MYO7A: variants seen among roughly 807,000 people sequenced by gnomAD.
MYO7A encodes the protein myosin VIIA, also known as unconventional myosin-VIIa.
A neutral mutation model predicts 263.8 loss-of-function variants in MYO7A; 210 were observed. That is an observed-to-expected ratio of 0.80 (90% confidence interval 0.71 to 0.89). MYO7A has a LOEUF of 0.89. Among genes scored for constraint, MYO7A ranks in the 40% least tolerant of loss-of-function variants. The probability of loss-of-function intolerance (pLI) is 0.00; values close to 1 mark genes in which losing one functional copy is unlikely to be tolerated. For missense variants in MYO7A, 2,820 were observed against 2,968.3 expected, an observed-to-expected ratio of 0.95 and a Z score of 1.16; for synonymous variants, 1,239 against 1,197.3, an observed-to-expected ratio of 1.03 and a Z score of -0.72.
chr11:77,174,546 C>T (rs1364167836), intron 16 of MYO7A, among the ~76,000 whole-genome samples: 1 of 152,230 alleles, frequency 6.6e-6, no homozygotes, highest in Non-Finnish European at 1.5e-5. Context: ...TCTCTGTGCT[C>T]CCAAAGCACA....
chr11:77,206,274 G>T, intron 41 of MYO7A, 72 bp downstream of exon 41: 3 of 1,215,764 alleles, frequency 2.5e-6, no homozygotes, highest in Non-Finnish European at 3.5e-6. Flanking sequence ...CACCAAAGGT[G>T]GCCTTAAGCC....
At chr11:77,132,821 G>T (rs1950804784) in intron 2 of MYO7A, among the ~76,000 whole-genome samples, 1 of 152,210 alleles carries the variant, frequency 6.6e-6, no homozygotes, top group Non-Finnish European at 1.5e-5. Flanking sequence ...TGCATATGAT[G>T]AAACAGGCTC....
At chr11:77,134,319 A>G (rs1165909434) in intron 2 of MYO7A, among the ~76,000 whole-genome samples, 3 of 152,056 alleles carry the variant, frequency 2.0e-5, no homozygotes, top group Non-Finnish European at 4.4e-5. Context: ...TTATAGTTCT[A>G]TCTCTCCCCC....
At chr11:77,180,976 A>T (rs1039833187) in intron 22 of MYO7A, among the ~76,000 whole-genome samples, 3 of 152,268 alleles carry the variant, frequency 2.0e-5, no homozygotes, top group Admixed American at 2.0e-4. Flanking sequence ...GGAAATATTG[A>T]GTTAAATATA....
At position 77,213,979 on chromosome 11, in the gene MYO7A, G is replaced by A. The variant is rs1434392384; in HGVS notation, c.6558G>A (p.Leu2186=). ...GCAAACTGCTCTGCGAGACGTCACT[G>A]GTGAGGGCGCATCCTGCTGGGCCTA... The part of the protein sequence containing the change: ...RGSKLLCETS[L]GYKMDDLLTS... Residue 2186 remains leucine, a splice_region_variant and synonymous_variant, in exon 48 of 49, where the codon CTG becomes CTA. Coordinates refer to ENST00000409709, the MANE Select transcript of MYO7A (RefSeq NM_000260.4). The A allele has an allele frequency of 6.2e-7, 1 of 1,614,052 alleles. No homozygotes were observed. Among genetic ancestry groups the A allele is most frequent in the Non-Finnish European group, 8.5e-7 (1 of 1,179,902 alleles).
At position 77,162,225 on chromosome 11, in the gene MYO7A, C is replaced by G. The variant is rs781884347; in HGVS notation, c.1449C>G (p.Asp483Glu). 16 of 1,579,646 alleles carry G rather than the reference C, an allele frequency of 1.0e-5. No homozygotes were observed. The highest frequency in any genetic ancestry group is 1.2e-5 in the Non-Finnish European group (14 of 1,162,068). The change falls in exon 13 of 49, where the codon GAC becomes GAG. Residue 483 changes from aspartate (D) to glutamate (E), a missense_variant. Physicochemically the swap from Asp to Glu is conservative, Grantham distance 45. Coordinates refer to ENST00000409709, the MANE Select transcript of MYO7A (RefSeq NM_000260.4). The part of the protein sequence containing the change: ...EQEEYDLESI[D>E]WLHIEFTDNQ... ...AGGAATATGACCTGGAGAGCATTGA[C>G]TGGCTGCACATCGAGTTCACTGACA...
chr11:77,177,298 C>G (rs1250061638), intron 18 of MYO7A, among the ~76,000 whole-genome samples: 1 of 152,146 alleles, frequency 6.6e-6, no homozygotes, highest in East Asian at 1.9e-4. Context: ...GCCTTCCGAC[C>G]CCATCCAGAG....
intron 16 of MYO7A, among the ~76,000 whole-genome samples, chr11:77,173,760 GCTGCCTC>G (rs1555078137): frequency 6.6e-6 from 1 of 152,102 alleles, no homozygotes; most frequent in East Asian, 1.9e-4. Flanking sequence ...GTCCCCTCCT[GCTGCCTC>G]CTGCCTGGAA....
Position 77,213,837 on chromosome 11 carries a change from CTA to C in MYO7A, c.6439-21_6439-20del, listed in dbSNP as rs753387304. 8 of 1,613,944 alleles carry C rather than the reference CTA, an allele frequency of 5.0e-6. 1 individual carries two copies. In the South Asian group the frequency reaches 8.8e-5, roughly 18 times the overall value. The stretch of plus-strand genomic sequence containing the variant: ...GCCACAGGGCCCAGGCCGTGCCTCT[CTA>C]TGCCCTTTCTGCTCCCCCAGGATAT... On this transcript the variant is annotated intron_variant, in intron 47 of 48. Coordinates refer to ENST00000409709, the MANE Select transcript of MYO7A (RefSeq NM_000260.4).
intron 30 of MYO7A, 97 bp downstream of exon 30, chr11:77,190,967 C>T (rs1236078707): frequency 6.0e-6 from 8 of 1,332,668 alleles, no homozygotes; most frequent in Admixed American, 2.4e-5. Context: ...GCTATTCACC[C>T]TTGAGCACCT....
At chr11:77,146,400 A>G (rs1951568904) in intron 3 of MYO7A, among the ~76,000 whole-genome samples, 1 of 152,178 alleles carries the variant, frequency 6.6e-6, no homozygotes, top group Non-Finnish European at 1.5e-5. Flanking sequence ...ATTTGATGGA[A>G]GAGCTGGAGG....
At chr11:77,142,549 A>G (rs1555051242) in intron 2 of MYO7A, 160 bp from the exon 3 acceptor site, 1 of 701,606 alleles carries the variant, frequency 1.4e-6, no homozygotes, top group East Asian at 2.8e-5. Context: ...CAGGGCCTGC[A>G]CTGCTCCAGA....
rs1249375042 is a variant in MYO7A, at chr11:77,156,935, C to A, written c.666C>A (p.Asn222Lys). Residue 222 changes from asparagine (N) to lysine (K), a missense_variant, in exon 7 of 49, where the codon AAC becomes AAA. Transcript: ENST00000409709. The part of the protein sequence containing the change: ...RFGKYIDIHF[N>K]KRGAIEGAKI... ...GAAAGTACATCGACATCCACTTCAACAAGCGGGGCGCCATCGAGGGCGCGA... is the reference window on the plus strand; with the variant it reads ...GAAAGTACATCGACATCCACTTCAAAAAGCGGGGCGCCATCGAGGGCGCGA... 5 of 1,614,010 alleles carry A rather than the reference C, an allele frequency of 3.1e-6. No individual in the cohort carries two copies. In the South Asian group the frequency reaches 4.4e-5, roughly 14 times the overall value.
intron 42 of MYO7A, among the ~76,000 whole-genome samples, chr11:77,208,008 CCT>C (rs1361338753): frequency 6.6e-6 from 1 of 152,200 alleles, no homozygotes; most frequent in Non-Finnish European, 1.5e-5. Context: ...GCTCTGTGTG[CCT>C]CTGTGTCTGT....
At chr11:77,213,622 C>A (rs1475199734) in intron 47 of MYO7A, among the ~76,000 whole-genome samples, 1 of 152,140 alleles carries the variant, frequency 6.6e-6, no homozygotes, top group Non-Finnish European at 1.5e-5. Flanking sequence ...TCCCTCAGGT[C>A]TCCCAATTTC....
intron 16 of MYO7A, among the ~76,000 whole-genome samples, chr11:77,173,638 G>A (rs1288161059): frequency 3.3e-5 from 5 of 152,154 alleles, no homozygotes; most frequent in South Asian, 2.1e-4. Context: ...GAGGCCTGCA[G>A]GGAGGCACAG....
At position 77,147,786 on chromosome 11, in the gene MYO7A, G is replaced by A. The variant is rs1555054553; in HGVS notation, c.133-12G>A. 2 of 1,608,524 alleles carry A rather than the reference G, an allele frequency of 1.2e-6. No homozygotes were observed. The highest frequency in any genetic ancestry group is 1.7e-6 in the Non-Finnish European group (2 of 1,178,374). ...CCCCAGGAGAGCACGCTGACGTTCTGGCTCCCCGCAGGAACACTGGATCTC... is the reference window on the plus strand; with the variant it reads ...CCCCAGGAGAGCACGCTGACGTTCTAGCTCCCCGCAGGAACACTGGATCTC... On this transcript the variant is annotated splice_polypyrimidine_tract_variant and intron_variant, in intron 3 of 48. Coordinates refer to ENST00000409709, the MANE Select transcript of MYO7A (RefSeq NM_000260.4).
chr11:77,179,856 G>T lies in MYO7A; in HGVS notation c.2489G>T (p.Arg830Leu). Residue 830 changes from arginine to leucine, a missense_variant, in exon 21 of 49, where the codon CGC becomes CTC. Coordinates refer to ENST00000409709, the MANE Select transcript of MYO7A (RefSeq NM_000260.4). ...GCCCGCTGCCGCGCCTATCTGGTGCGCAAGGCCTTCCGCCACCGCCTCTGG... is the reference window on the plus strand; with the variant it reads ...GCCCGCTGCCGCGCCTATCTGGTGCTCAAGGCCTTCCGCCACCGCCTCTGG... ...FQARCRAYLV[R>L]KAFRHRLWAV... The T allele has an allele frequency of 1.9e-6, 3 of 1,541,872 alleles. No homozygotes were observed. Among genetic ancestry groups the T allele is most frequent in the African/African-American group, 1.4e-5 (1 of 73,152 alleles).
At position 77,188,319 on chromosome 11, in the gene MYO7A, T is replaced by C. The variant is rs113157719; in HGVS notation, c.3504-1025T>C. ...CTCTGAGACTTTGCCCTCCTACTGTTTGGAAATTTAAAATTACCTTTGTTT... is the reference window on the plus strand; with the variant it reads ...CTCTGAGACTTTGCCCTCCTACTGTCTGGAAATTTAAAATTACCTTTGTTT... On this transcript the variant is annotated intron_variant, in intron 27 of 48. Coordinates refer to ENST00000409709, the MANE Select transcript of MYO7A (RefSeq NM_000260.4). 1.0e-2 allele frequency among the ~76,000 whole-genome samples: 1,521 copies of C among 152,352 alleles called. 11 individuals are homozygous for C. Among genetic ancestry groups the C allele is most frequent in the Non-Finnish European group, 0.016 (1,059 of 68,024 alleles).
Sources: allele counts gnomAD v4.1 joint callset (sites outside exome capture counted in the v4.1 genomes callset), GRCh38; gene constraint gnomAD v4.1.1; transcripts MANE v1.5; gene names NCBI Gene and HGNC (gene_info 2026-07-23, HGNC 2026-07-21).